The following SPAG16 variants were observed in gnomAD, a reference collection of about 807,000 sequenced individuals.
SPAG16 encodes sperm associated antigen 16, also known as sperm-associated antigen 16 protein.
SPAG16 carries 86 observed loss-of-function variants against 80.4 expected under a neutral mutation model. The observed-to-expected ratio is 1.07, with a 90% CI of 0.90 to 1.28. The LOEUF is 1.28. Ranked by LOEUF, SPAG16 falls within the 50% of genes most tolerant of loss-of-function variation. The pLI is 0.00. For synonymous variants in SPAG16, 294 were observed against 265.9 expected (o/e 1.11, Z -1.03); for missense variants, 870 against 765.3 (o/e 1.14, Z -1.61).
chr2:214,309,720 G>A (rs1220339093), intron 15 of SPAG16, among the ~76,000 whole-genome samples: 1 of 152,008 alleles, frequency 6.6e-6, no homozygotes, highest in Non-Finnish European at 1.5e-5. Context: ...GACTTCTATT[G>A]GGCCCCAACT....
chr2:213,488,588 C>T (rs939562373), intron 9 of SPAG16, among the ~76,000 whole-genome samples: 4 of 151,764 alleles, frequency 2.6e-5, no homozygotes, highest in African/African-American at 4.8e-5. Flanking sequence ...AAATGAAAAA[C>T]GAGAGAAGAC....
intron 15 of SPAG16, among the ~76,000 whole-genome samples, chr2:214,347,174 G>A (rs1698104665): frequency 6.6e-6 from 1 of 152,152 alleles, no homozygotes; most frequent in Admixed American, 6.6e-5. Flanking sequence ...GCTGTGGAAA[G>A]TTTGGCAATA....
intron 10 of SPAG16, among the ~76,000 whole-genome samples, chr2:213,698,459 A>G (rs2065252969): frequency 6.6e-6 from 1 of 152,006 alleles, no homozygotes; most frequent in Non-Finnish European, 1.5e-5. Context: ...ATGAGGTCTC[A>G]CCATGTTGCC....
chr2:213,668,899 C>T (rs1385708429), intron 10 of SPAG16, among the ~76,000 whole-genome samples: 1 of 152,110 alleles, frequency 6.6e-6, no homozygotes, highest in Non-Finnish European at 1.5e-5. Flanking sequence ...CTGCCTGCCT[C>T]GGCCTCCCTA....
intron 15 of SPAG16, among the ~76,000 whole-genome samples, chr2:214,358,999 G>A (rs1698999753): frequency 6.6e-6 from 1 of 151,774 alleles, no homozygotes; most frequent in Middle Eastern, 3.4e-3. Flanking sequence ...GTTTCACAGA[G>A]TTATAAGAGG....
intron 15 of SPAG16, among the ~76,000 whole-genome samples, chr2:214,330,637 G>A (rs1419774048): frequency 6.7e-6 from 1 of 149,572 alleles, no homozygotes; most frequent in Non-Finnish European, 1.5e-5. Flanking sequence ...TCAAAGAAAG[G>A]GTTTGAAACT....
chr2:213,516,749 C>T (rs2075438918), intron 10 of SPAG16, among the ~76,000 whole-genome samples: 1 of 152,092 alleles, frequency 6.6e-6, no homozygotes, highest in Non-Finnish European at 1.5e-5. Context: ...AAAAAATCTC[C>T]CTATCATAGG....
chr2:213,383,075 C>T (rs924242527), intron 9 of SPAG16, among the ~76,000 whole-genome samples: 1 of 152,076 alleles, frequency 6.6e-6, no homozygotes, highest in Non-Finnish European at 1.5e-5. Context: ...ATGATTCTCT[C>T]AATCTTGTAC....
chr2:214,165,052 A>G (rs1292518402), intron 15 of SPAG16, among the ~76,000 whole-genome samples: 1 of 152,150 alleles, frequency 6.6e-6, no homozygotes, highest in Non-Finnish European at 1.5e-5. Flanking sequence ...TACTGTATGG[A>G]AATTTATAAT....
At chr2:213,955,772 T>C (rs2044088388) in intron 12 of SPAG16, among the ~76,000 whole-genome samples, 1 of 152,098 alleles carries the variant, frequency 6.6e-6, no homozygotes, top group African/African-American at 2.4e-5. Context: ...ATCCAATACA[T>C]TGGCATATAA....
At chr2:213,390,865 C>T (rs1389438637) in intron 9 of SPAG16, among the ~76,000 whole-genome samples, 1 of 152,110 alleles carries the variant, frequency 6.6e-6, no homozygotes, top group Non-Finnish European at 1.5e-5. Context: ...TTGGTTTATA[C>T]TACCAATATA....
intron 10 of SPAG16, among the ~76,000 whole-genome samples, chr2:213,781,147 C>T (rs1477907926): frequency 1.3e-5 from 2 of 152,196 alleles, no homozygotes; most frequent in Admixed American, 6.5e-5. Context: ...ATGTCTTCCT[C>T]TTGGTTCCTC....
chr2:213,625,372 G>T (rs566389390), intron 10 of SPAG16, among the ~76,000 whole-genome samples: 5 of 152,118 alleles, frequency 3.3e-5, no homozygotes, highest in African/African-American at 9.6e-5. Flanking sequence ...TCCATGATAT[G>T]CTTGTTTCAC....
At chr2:213,895,520 A>G (rs2076959716) in intron 11 of SPAG16, among the ~76,000 whole-genome samples, 1 of 152,214 alleles carries the variant, frequency 6.6e-6, no homozygotes, top group Non-Finnish European at 1.5e-5. Context: ...AAAATTTATT[A>G]CAAAGACATA....
chr2:213,558,772 C>T lies in SPAG16; in HGVS notation c.1070+68682C>T, dbSNP rs547758540. Among the ~76,000 whole-genome samples the T allele has an allele frequency of 1.0e-3, 153 of 152,010 alleles. 3 individuals are homozygous for T. Among genetic ancestry groups the T allele is most frequent in the Non-Finnish European group, 1.7e-3 (118 of 67,952 alleles). ...CCTTTTTATTATGGAAAATTTCAAA[C>T]ACCCACAAAAGTGGAATGGTACAAT... On this transcript the variant is annotated intron_variant, in intron 10 of 15. Transcript: ENST00000331683.
intron 15 of SPAG16, among the ~76,000 whole-genome samples, chr2:214,409,127 G>A (rs1034750470): frequency 6.6e-6 from 1 of 151,214 alleles, no homozygotes; most frequent in Non-Finnish European, 1.5e-5. Context: ...TTACTGTAAC[G>A]ATCATTCAGA....
chr2:214,100,063 C>T (rs1054546587), intron 13 of SPAG16, among the ~76,000 whole-genome samples: 2 of 151,898 alleles, frequency 1.3e-5, no homozygotes, highest in African/African-American at 2.4e-5. Context: ...ATCGTGGGGG[C>T]AGTGTCCCCC....
chr2:214,046,166 C>G (rs1575962589), intron 13 of SPAG16, among the ~76,000 whole-genome samples: 1 of 152,056 alleles, frequency 6.6e-6, no homozygotes, highest in African/African-American at 2.4e-5. Flanking sequence ...AATCCAAAAC[C>G]TAAACAGACC....
At chr2:214,375,798 T>C (rs879772058) in intron 15 of SPAG16, among the ~76,000 whole-genome samples, 1 of 151,590 alleles carries the variant, frequency 6.6e-6, no homozygotes, top group Non-Finnish European at 1.5e-5. Context: ...TTTTTTAACA[T>C]ATCTACAGTT....
Sources: allele counts gnomAD v4.1 joint callset (sites outside exome capture counted in the v4.1 genomes callset), GRCh38; gene constraint gnomAD v4.1.1; transcripts MANE v1.5; gene names NCBI Gene and HGNC (gene_info 2026-07-23, HGNC 2026-07-21).